ANXA6: variants seen among roughly 807,000 people sequenced by gnomAD.
The protein encoded by ANXA6 is 67 kDa calelectrin.
Under a neutral mutation model 95.4 loss-of-function variants are expected in ANXA6, and 71 were observed. The observed-to-expected ratio is 0.74, with a 90% confidence interval of 0.61 to 0.91. ANXA6 has a LOEUF of 0.91. Among genes scored for constraint, ANXA6 ranks in the 40% least tolerant of loss-of-function variants. The pLI, the probability that ANXA6 is intolerant of heterozygous loss-of-function variation, is 0.00. For missense variants in ANXA6, 830 were observed against 876.4 expected (o/e 0.95, Z 0.67); for synonymous variants, 289 against 315.9 (o/e 0.91, Z 0.90).
intron 20 of ANXA6, among the ~76,000 whole-genome samples, chr5:151,113,226 C>A (rs1328844828): frequency 6.6e-6 from 1 of 152,104 alleles, no homozygotes; most frequent in Non-Finnish European, 1.5e-5. Flanking sequence ...CATGGTGAAA[C>A]CCTGTCTCTA....
intron 2 of ANXA6, among the ~76,000 whole-genome samples, chr5:151,143,491 C>CCATT (rs534840582): frequency 3.1e-4 from 47 of 152,270 alleles, no homozygotes; most frequent in African/African-American, 1.1e-3. Context: ...GGCTACCCTA[C>CCATT]CATTCATTCA....
intron 23 of ANXA6, among the ~76,000 whole-genome samples, chr5:151,105,655 C>T (rs536570842): frequency 3.3e-5 from 5 of 152,280 alleles, no homozygotes; most frequent in African/African-American, 1.2e-4. Flanking sequence ...GTTTAAAACT[C>T]AGGGTTTAGG....
At chr5:151,145,357 C>T (rs1222014824) in intron 2 of ANXA6, among the ~76,000 whole-genome samples, 1 of 152,244 alleles carries the variant, frequency 6.6e-6, no homozygotes. Flanking sequence ...GGCACAAGCA[C>T]CTGCCTATCC....
chr5:151,103,777 T>G, intron 24 of ANXA6, 85 bp from the exon 25 acceptor site: 1 of 1,456,966 alleles, frequency 6.9e-7, no homozygotes, highest in Non-Finnish European at 9.1e-7. Flanking sequence ...CCCATCTGCC[T>G]TTCTCCCTTG....
chr5:151,107,609 C>T (rs114544264), intron 23 of ANXA6, among the ~76,000 whole-genome samples: 17,390 of 152,204 alleles, frequency 0.11, 1,233 homozygotes, highest in Non-Finnish European at 0.16. Flanking sequence ...AAATCTTCCA[C>T]GGATACCTCT....
chr5:151,137,692 C>G (rs1335613931), intron 5 of ANXA6, among the ~76,000 whole-genome samples: 1 of 152,132 alleles, frequency 6.6e-6, no homozygotes, highest in Non-Finnish European at 1.5e-5. Flanking sequence ...TTCCCCACCT[C>G]CCGCCTTGCT....
intron 24 of ANXA6, among the ~76,000 whole-genome samples, chr5:151,104,396 C>T (rs1185845498): frequency 6.6e-6 from 1 of 152,386 alleles, no homozygotes; most frequent in African/African-American, 2.4e-5. Flanking sequence ...CAAGCACCAG[C>T]CTAGGAGTCA....
intron 16 of ANXA6, 64 bp downstream of exon 16, chr5:151,122,853 A>T: frequency 6.9e-7 from 1 of 1,445,132 alleles, no homozygotes; most frequent in South Asian, 1.1e-5. Context: ...CGATGGGGAC[A>T]GGCTGAGCTC....
At chr5:151,156,050 G>A (rs1472462534) in intron 1 of ANXA6, among the ~76,000 whole-genome samples, 1 of 152,234 alleles carries the variant, frequency 6.6e-6, no homozygotes, top group African/African-American at 2.4e-5. Flanking sequence ...TTTTGCCCCA[G>A]CAACAGCTGT....
rs536422676 is a variant in ANXA6, at chr5:151,122,918, C to T, written c.1232G>A (p.Arg411Gln). The T allele has an allele frequency of 1.9e-5, 31 of 1,613,824 alleles. No individual in the cohort carries two copies. The highest frequency in any genetic ancestry group is 1.3e-4 in the African/African-American group (10 of 75,048). ...IRQTFKSHFG[R>Q]DLMTDLKSEI... The stretch of plus-strand genomic sequence containing the variant: ...GAGAGCCCAGGAGGAGGTCCTTACC[C>T]GGCCAAAGTGAGACTTGAAGGTCTG... The change falls in exon 16 of 26, where the codon CGG (arginine) becomes CAG (glutamine). Residue 411 changes from arginine (R) to glutamine (Q), a missense_variant and splice_region_variant. Transcript: ENST00000354546.
chr5:151,130,177 T>C (rs2113929107), intron 11 of ANXA6, among the ~76,000 whole-genome samples: 1 of 152,324 alleles, frequency 6.6e-6, no homozygotes, highest in South Asian at 2.1e-4. Context: ...TGATGGTCAC[T>C]GGGTTGTTTC....
intron 7 of ANXA6, among the ~76,000 whole-genome samples, chr5:151,135,650 C>A (rs1765637174): frequency 6.6e-6 from 1 of 152,228 alleles, no homozygotes; most frequent in Admixed American, 6.5e-5. Flanking sequence ...GACGCATATG[C>A]TCTCCAGCCC....
chr5:151,147,820 C>T, intron 2 of ANXA6, 64 bp downstream of exon 2: 2 of 1,551,876 alleles, frequency 1.3e-6, no homozygotes, highest in Non-Finnish European at 1.8e-6. Context: ...GGCCTAGTGG[C>T]TCCAGGAGGA....
In ANXA6 at chr5:151,103,716, GAC is replaced by G. The variant is rs760763630; in HGVS notation, c.1840-26_1840-25del. 29 of 1,600,020 alleles carry G rather than the reference GAC, an allele frequency of 1.8e-5. 1 individual carries two copies. The East Asian group carries it at 2.0e-4, about 11-fold the overall frequency. ...CCCTGGTGGAGCCAGGCAGGAGGGA[GAC>G]ACAGGCGGAAGGAGAGATAGAGCCC... On this transcript the variant is annotated intron_variant, in intron 24 of 25. Transcript: ENST00000354546.
intron 22 of ANXA6, 23 bp from the exon 23 acceptor site, chr5:151,108,573 A>G: frequency 6.2e-7 from 1 of 1,608,174 alleles, no homozygotes; most frequent in South Asian, 1.1e-5. Flanking sequence ...GAAGCCCCAG[A>G]GGTGGGGGTG....
chr5:151,136,355 CTCTAGTCTCATCCCCAGAGACCTCAGGGA>C lies in ANXA6; in HGVS notation c.410-49_410-21del, dbSNP rs754549430. On this transcript the variant is annotated intron_variant, in intron 6 of 25. Transcript: ENST00000354546. Reference sequence around the variant, plus strand: ...CGTAGGCTGCAGAAAGGAACGCAAGCTCTAGTCTCATCCCCAGAGACCTCAGGGATCTAGGATAAAGGGCCCTGCTGCCC... The same window carrying C: ...CGTAGGCTGCAGAAAGGAACGCAAGCTCTAGGATAAAGGGCCCTGCTGCCC... 9 of 1,612,956 alleles carry C rather than the reference CTCTAGTCTCATCCCCAGAGACCTCAGGGA, an allele frequency of 5.6e-6. No homozygotes were observed. The highest frequency in any genetic ancestry group is 7.6e-6 in the Non-Finnish European group (9 of 1,179,128).
In ANXA6 at chr5:151,126,377, A is replaced by G. The variant is rs780736196; in HGVS notation, c.1056+25T>C. On this transcript the variant is annotated intron_variant, in intron 14 of 25. Transcript: ENST00000354546. ...GCAGAGAAGCTGTGGTCAAGAGGTC[A>G]AGCAGGAGGAGGGGAAGGTCTGACC... 4 of 1,591,780 alleles carry G rather than the reference A, an allele frequency of 2.5e-6. No homozygotes were observed. The South Asian group carries it at 3.4e-5, about 14-fold the overall frequency.
intron 1 of ANXA6, among the ~76,000 whole-genome samples, chr5:151,152,860 G>A (rs1384407687): frequency 6.6e-6 from 1 of 152,176 alleles, no homozygotes; most frequent in Admixed American, 6.6e-5. Context: ...TTCTGTCATC[G>A]AAAGGTAGCT....
intron 2 of ANXA6, among the ~76,000 whole-genome samples, chr5:151,142,308 T>C (rs1037434059): frequency 2.6e-5 from 4 of 152,104 alleles, no homozygotes; most frequent in African/African-American, 7.2e-5. Flanking sequence ...TGAAACCCTG[T>C]TTCAGCTAAA....
Sources: allele counts gnomAD v4.1 joint callset (sites outside exome capture counted in the v4.1 genomes callset), GRCh38; gene constraint gnomAD v4.1.1; transcripts MANE v1.5; gene names NCBI Gene and HGNC (gene_info 2026-07-23, HGNC 2026-07-21).